Variants in SIK3 observed in about 807,000 individuals in gnomAD.
SIK3 encodes serine/threonine-protein kinase SIK3.
A neutral mutation model predicts 144.2 loss-of-function variants in SIK3; 28 were observed. The ratio of observed to expected loss-of-function variants is 0.19; its 90% CI spans 0.14 to 0.27. The LOEUF (loss-of-function observed/expected upper bound fraction) is 0.27. Among genes scored for constraint, SIK3 ranks in the 10% least tolerant of loss-of-function variants. The pLI is 1.00. For missense variants in SIK3, 1,319 were observed against 1,776.0 expected (o/e 0.74, Z 4.62); for synonymous variants, 686 against 676.3 (o/e 1.01, Z -0.22).
intron 4 of SIK3, among the ~76,000 whole-genome samples, chr11:116,910,573 G>A (rs1053524450): frequency 6.6e-5 from 10 of 151,922 alleles, no homozygotes; most frequent in Admixed American, 5.2e-4. Flanking sequence ...AGCTCATATC[G>A]CTCTAAGGAA....
At chr11:117,066,534 CTTT>C (rs34259048) in intron 1 of SIK3, among the ~76,000 whole-genome samples, 7 of 131,022 alleles carry the variant, frequency 5.3e-5, no homozygotes, top group Non-Finnish European at 6.7e-5. Context: ...AGAAACAATC[CTTT>C]TTTTTTTTTT....
chr11:117,012,430 C>T (rs1001934494), intron 1 of SIK3, among the ~76,000 whole-genome samples: 1 of 152,190 alleles, frequency 6.6e-6, no homozygotes, highest in Non-Finnish European at 1.5e-5. Context: ...TAACTGTTAA[C>T]TTTTCCAAAG....
At chr11:117,088,245 TAAAAACA>T (rs553953603) in intron 1 of SIK3, among the ~76,000 whole-genome samples, 78 of 152,010 alleles carry the variant, frequency 5.1e-4, no homozygotes, top group Non-Finnish European at 8.5e-4. Context: ...CTCAAAAATA[TAAAAACA>T]AAAAACAAAA....
chr11:116,927,557 A>C (rs964640241), intron 3 of SIK3, among the ~76,000 whole-genome samples, 177 bp from the exon 4 acceptor site: 1 of 152,258 alleles, frequency 6.6e-6, no homozygotes, highest in Non-Finnish European at 1.5e-5. Flanking sequence ...ATTAGTAATA[A>C]GTATCCAAAC....
chr11:116,897,961 C>T (rs1197856929), intron 4 of SIK3, among the ~76,000 whole-genome samples: 1 of 151,818 alleles, frequency 6.6e-6, no homozygotes, highest in African/African-American at 2.4e-5. Context: ...TAAGCCTACT[C>T]AGCTGGACCC....
At position 116,873,616 on chromosome 11, in the gene SIK3, C is replaced by G. The variant is rs141609930; in HGVS notation, c.1602G>C (p.Pro534=). The change falls in exon 13 of 25, where the codon CCG becomes CCC. Residue 534 remains proline, a synonymous_variant. Transcript: ENST00000445177. ...LEYKEQSLLQ[P]PTLQLLNGMG... Reference sequence around the variant, plus strand: ...TTCCATTCAACAGCTGTAGCGTGGGCGGCTGTAGGAGAGACTGCTCCTGCC... The same window carrying G: ...TTCCATTCAACAGCTGTAGCGTGGGGGGCTGTAGGAGAGACTGCTCCTGCC... 6.4e-7 allele frequency: 1 copy of G among 1,573,600 alleles called. No homozygotes were observed. The highest frequency in any genetic ancestry group is 8.6e-7 in the Non-Finnish European group (1 of 1,162,574).
At chr11:117,039,962 C>G (rs565979517) in intron 1 of SIK3, among the ~76,000 whole-genome samples, 108 of 152,292 alleles carry the variant, frequency 7.1e-4, no homozygotes, top group African/African-American at 2.6e-3. Context: ...AAAATAAACA[C>G]AGTGACTAAA....
intron 2 of SIK3, among the ~76,000 whole-genome samples, chr11:116,954,475 TC>T (rs1949065847): frequency 8.0e-6 from 1 of 124,246 alleles, no homozygotes; most frequent in African/African-American, 3.1e-5. Context: ...CCCTATCAAA[TC>T]AAAAAAAAAA....
At chr11:116,999,585 T>C (rs1950782774) in intron 1 of SIK3, among the ~76,000 whole-genome samples, 1 of 151,856 alleles carries the variant, frequency 6.6e-6, no homozygotes, top group South Asian at 2.1e-4. Context: ...TTTTGTTTTC[T>C]TTTCTTTTCT....
chr11:116,856,174 G>A (rs1341163707), intron 21 of SIK3, among the ~76,000 whole-genome samples: 16 of 147,078 alleles, frequency 1.1e-4, no homozygotes, highest in Admixed American at 6.2e-4. Flanking sequence ...TCCAGCCTGG[G>A]TGACAGAGCA....
chr11:117,027,208 C>T (rs1411365540), intron 1 of SIK3, among the ~76,000 whole-genome samples: 1 of 152,206 alleles, frequency 6.6e-6, no homozygotes, highest in Non-Finnish European at 1.5e-5. Flanking sequence ...CTTGAAAACA[C>T]ATTAGTCATC....
chr11:116,860,243 CAAAAAAAAAAAAAA>C (rs1479989906), intron 19 of SIK3, among the ~76,000 whole-genome samples: 1 of 111,396 alleles, frequency 9.0e-6, no homozygotes, highest in African/African-American at 3.3e-5. Context: ...GACTCCATCT[CAAAAAAAAAAAAAA>C]CAGACTCTAA....
chr11:116,936,221 C>G (rs1400114934), intron 3 of SIK3, among the ~76,000 whole-genome samples: 1 of 152,210 alleles, frequency 6.6e-6, no homozygotes, highest in Non-Finnish European at 1.5e-5. Context: ...ACTTTGTCAT[C>G]CAGGCTGAAG....
chr11:117,013,907 G>GTGTGTGTGTGTGTGT (rs1485971413), intron 1 of SIK3, among the ~76,000 whole-genome samples: 3 of 44,904 alleles, frequency 6.7e-5, no homozygotes, highest in Admixed American at 2.4e-4. Context: ...TGAGGGGGGG[G>GTGTGTGTGTGTGTGT]GGGGGAGGGT....
chr11:116,955,989 A>G (rs1317271812), intron 2 of SIK3, among the ~76,000 whole-genome samples: 2 of 152,190 alleles, frequency 1.3e-5, no homozygotes, highest in Non-Finnish European at 1.5e-5. Flanking sequence ...ACTTTTACAC[A>G]TGGTCCTATG....
Position 116,875,544 on chromosome 11 carries a change from T to G in SIK3, c.1240-93A>C, listed in dbSNP as rs867647452. ...GTAGTCTTGATTGCTAAAGTCTATG[T>G]TTCCCTGATTACTAAAGTTTTTGGT... On this transcript the variant is annotated intron_variant, in intron 9 of 24. Coordinates refer to ENST00000445177, the MANE Select transcript of SIK3 (RefSeq NM_001366686.3). 2.9e-6 allele frequency: 4 copies of G among 1,365,122 alleles called. No individual in the cohort carries two copies. In the South Asian group the frequency reaches 5.3e-5, roughly 18 times the overall value. 84.6% of individuals were successfully genotyped at this position (1,365,122 alleles called of 1,614,324 possible). A position where few individuals can be genotyped will look rare whatever the true frequency, so the allele number is the denominator to read the frequency against.
intron 1 of SIK3, among the ~76,000 whole-genome samples, chr11:117,061,066 A>G (rs1358001755): frequency 2.0e-5 from 3 of 152,094 alleles, no homozygotes; most frequent in Non-Finnish European, 4.4e-5. Flanking sequence ...GGGCTAACAC[A>G]GTAAGACCTC....
chr11:116,938,259 AGAGAG>A (rs1188897295), intron 3 of SIK3, among the ~76,000 whole-genome samples: 3,634 of 11,992 alleles, frequency 0.3, 785 homozygotes, highest in Non-Finnish European at 0.43. Context: ...AGAGGGGAGA[AGAGAG>A]GAGAGGAGAG....
In SIK3 at chr11:116,971,699, G is replaced by A. The variant is rs368572991; in HGVS notation, c.274-14635C>T. On this transcript the variant is annotated intron_variant, in intron 1 of 24. Coordinates refer to ENST00000445177, the MANE Select transcript of SIK3 (RefSeq NM_001366686.3). Reference sequence around the variant, plus strand: ...AAGTTTCTCCAAAATCCCAATCACCGTATCATTTCATCTGTAACTACTTCA... The same window carrying A: ...AAGTTTCTCCAAAATCCCAATCACCATATCATTTCATCTGTAACTACTTCA... Among the ~76,000 whole-genome samples the A allele has an allele frequency of 1.1e-4, 17 of 152,150 alleles. No homozygotes were observed. The East Asian group carries it at 2.5e-3, about 22-fold the overall frequency.
Sources: gnomAD v4.1 joint callset for allele counts (sites outside exome capture counted in the v4.1 genomes callset) on GRCh38, gnomAD v4.1.1 for gene constraint, MANE v1.5 for transcripts, NCBI Gene and HGNC (gene_info 2026-07-23, HGNC 2026-07-21) for gene names.